SEM1: variants seen among roughly 807,000 people sequenced by gnomAD.
The protein encoded by SEM1 is 26S proteasome complex subunit SEM1.
SEM1 carries 3 observed loss-of-function variants against 12.7 expected under a neutral mutation model. The ratio of observed to expected loss-of-function variants is 0.24; its 90% CI spans 0.11 to 0.61. The LOEUF is 0.61. SEM1 is among the 20% of genes least tolerant of loss of function. The probability of loss-of-function intolerance (pLI) is 0.88; values close to 1 mark genes in which losing one functional copy is unlikely to be tolerated. For missense variants in SEM1, 59 were observed against 81.3 expected, an observed-to-expected ratio of 0.73 and a Z score of 1.06; for synonymous variants, 30 against 27.8, an observed-to-expected ratio of 1.08 and a Z score of -0.25.
intron 2 of SEM1, chr7:96,653,857 A>G (rs1809085887): frequency 6.6e-6 from 1 of 152,212 alleles, no homozygotes; most frequent in Non-Finnish European, 1.5e-5. Context: ...GGATAAAATG[A>G]AGTAGTGGCA....
intron 2 of SEM1, among the ~76,000 whole-genome samples, chr7:96,674,308 T>C (rs1290757615): frequency 6.6e-6 from 1 of 152,104 alleles, no homozygotes; most frequent in Non-Finnish European, 1.5e-5. Context: ...TACTAGGGCT[T>C]ATAGAGCAGT....
At chr7:96,518,169 T>C (rs1804155391) in intron 2 of SEM1, among the ~76,000 whole-genome samples, 1 of 152,158 alleles carries the variant, frequency 6.6e-6, no homozygotes, top group South Asian at 2.1e-4. Flanking sequence ...CTAATGCCAT[T>C]GGCAATGGCA....
At chr7:96,527,199 G>A (rs1375729945) in intron 2 of SEM1, among the ~76,000 whole-genome samples, 2 of 152,042 alleles carry the variant, frequency 1.3e-5, no homozygotes, top group Non-Finnish European at 2.9e-5. Context: ...GGATGGCGGA[G>A]GGAAAGGGAA....
At chr7:96,506,266 T>C (rs781013481) in intron 3 of SEM1, among the ~76,000 whole-genome samples, 1 of 152,136 alleles carries the variant, frequency 6.6e-6, no homozygotes, top group Non-Finnish European at 1.5e-5. Flanking sequence ...GGAAATTTTA[T>C]ATGGACACAT....
At chr7:96,705,100 G>C (rs984003199) in intron 1 of SEM1, among the ~76,000 whole-genome samples, 1 of 152,112 alleles carries the variant, frequency 6.6e-6, no homozygotes, top group African/African-American at 2.4e-5. Context: ...AATGCTGGCA[G>C]CATTAGGGGA....
At chr7:96,556,917 C>T (rs1423588603) in intron 2 of SEM1, among the ~76,000 whole-genome samples, 1 of 145,460 alleles carries the variant, frequency 6.9e-6, no homozygotes, top group Non-Finnish European at 1.5e-5. Context: ...TCTAAACTTC[C>T]CTTCTCGCTT....
intron 1 of SEM1, among the ~76,000 whole-genome samples, chr7:96,698,338 C>G (rs1790161120): frequency 1.3e-5 from 2 of 152,032 alleles, no homozygotes; most frequent in Admixed American, 1.3e-4. Flanking sequence ...CAGTGGTTTG[C>G]TGCACCCATC....
At chr7:96,706,534 C>A (rs1306990755) in intron 1 of SEM1, 2 of 141,928 alleles carry the variant, frequency 1.4e-5, no homozygotes, top group Non-Finnish European at 3.0e-5. Flanking sequence ...TGCACTCCAG[C>A]CTGGGCAACA....
intron 2 of SEM1, among the ~76,000 whole-genome samples, chr7:96,613,750 T>C (rs920955908): frequency 2.0e-5 from 3 of 152,206 alleles, no homozygotes; most frequent in East Asian, 3.8e-4. Flanking sequence ...ATCTACTTCT[T>C]TGAGTTTGAC....
At chr7:96,486,517 G>T in intron 1 of SEM1, 1 of 943,078 alleles carries the variant, frequency 1.1e-6, no homozygotes. Context: ...TCTCATTACT[G>T]GATTTTAAGC....
chr7:96,485,536 CTT>C (rs61088450), intron 2 of SEM1, among the ~76,000 whole-genome samples: 31 of 76,696 alleles, frequency 4.0e-4, no homozygotes, highest in African/African-American at 1.6e-3. Context: ...TCTCTACATT[CTT>C]TTTTTTTTTT....
chr7:96,569,768 T>C (rs1805959401), intron 2 of SEM1, among the ~76,000 whole-genome samples: 1 of 152,128 alleles, frequency 6.6e-6, no homozygotes, highest in African/African-American at 2.4e-5. Context: ...GTTTAACTTC[T>C]ACTTACAAGT....
At chr7:96,616,979 T>C (rs1053173121) in intron 2 of SEM1, among the ~76,000 whole-genome samples, 2 of 152,220 alleles carry the variant, frequency 1.3e-5, no homozygotes, top group African/African-American at 2.4e-5. Flanking sequence ...TCAGGTAATG[T>C]AATGCCTCCA....
intron 2 of SEM1, among the ~76,000 whole-genome samples, chr7:96,643,375 G>A (rs1260204168): frequency 6.6e-6 from 1 of 151,688 alleles, no homozygotes; most frequent in Non-Finnish European, 1.5e-5. Flanking sequence ...TATACTTTAA[G>A]TTCTGGGGTA....
chr7:96,563,967 G>A (rs1429688221), intron 2 of SEM1, among the ~76,000 whole-genome samples: 3 of 151,748 alleles, frequency 2.0e-5, no homozygotes, highest in African/African-American at 7.3e-5. Context: ...CACAAGTTCT[G>A]GCATACAGGT....
At chr7:96,580,379 T>A (rs2116050187) in intron 2 of SEM1, among the ~76,000 whole-genome samples, 1 of 150,658 alleles carries the variant, frequency 6.6e-6, no homozygotes, top group Non-Finnish European at 1.5e-5. Flanking sequence ...TTGTTGGACA[T>A]TTGGGTTGGT....
chr7:96,608,049 G>A (rs1409771600), intron 2 of SEM1, among the ~76,000 whole-genome samples: 1 of 152,178 alleles, frequency 6.6e-6, no homozygotes, highest in African/African-American at 2.4e-5. Flanking sequence ...ATGATGGTAT[G>A]TGTGGGGTTC....
chr7:96,507,057 TA>T (rs949912822), intron 2 of SEM1, among the ~76,000 whole-genome samples: 82 of 151,848 alleles, frequency 5.4e-4, no homozygotes, highest in African/African-American at 1.8e-3. Context: ...ATCTCTTTAT[TA>T]AAAAAAATTA....
chr7:96,680,388 A>G (rs566678394), intron 2 of SEM1, among the ~76,000 whole-genome samples: 1 of 152,128 alleles, frequency 6.6e-6, no homozygotes, highest in Admixed American at 6.6e-5. Flanking sequence ...AATACAGTCT[A>G]TAACAGAAAA....
Sources: gnomAD v4.1 joint callset for allele counts (sites outside exome capture counted in the v4.1 genomes callset) on GRCh38, gnomAD v4.1.1 for gene constraint, MANE v1.5 for transcripts, NCBI Gene and HGNC (gene_info 2026-07-23, HGNC 2026-07-21) for gene names.